The following C13orf42 variants were observed in gnomAD, a reference collection of about 807,000 sequenced individuals.
C13orf42 encodes the protein chromosome 13 open reading frame 42.
chr13:51,135,264 C>A (rs60826352), intron 1 of C13orf42, among the ~76,000 whole-genome samples: 1 of 152,248 alleles, frequency 6.6e-6, no homozygotes, highest in African/African-American at 2.4e-5. Context: ...TGGAGAGAGA[C>A]CAGGTGGAGA....
At chr13:51,113,988 C>T (rs1953461009), upstream of C13orf42, among the ~76,000 whole-genome samples, 2 of 152,244 alleles carry the variant, frequency 1.3e-5, no homozygotes, top group Non-Finnish European at 2.9e-5. Context: ...CATAAAGTGA[C>T]TTGTGTAACA....
intron 1 of C13orf42, among the ~76,000 whole-genome samples, chr13:51,167,097 C>A (rs577672611): frequency 7.9e-5 from 12 of 151,812 alleles, no homozygotes; most frequent in East Asian, 1.9e-4. Context: ...AACAAAAAAC[C>A]AAAAACCAAC....
intron 1 of C13orf42, among the ~76,000 whole-genome samples, chr13:51,101,705 C>T (rs1462461296): frequency 6.6e-6 from 1 of 152,190 alleles, no homozygotes; most frequent in South Asian, 2.1e-4. Flanking sequence ...TGCCTCTGCT[C>T]AATGAGCTCA....
At chr13:51,123,625 A>T (rs892023672) in intron 1 of C13orf42, among the ~76,000 whole-genome samples, 1 of 152,216 alleles carries the variant, frequency 6.6e-6, no homozygotes, top group Admixed American at 6.5e-5. Flanking sequence ...ATGTCAGCTC[A>T]CATGGGGCAG....
chr13:51,130,395 A>G (rs980034034), intron 1 of C13orf42, among the ~76,000 whole-genome samples: 26 of 152,230 alleles, frequency 1.7e-4, no homozygotes, highest in African/African-American at 6.3e-4. Context: ...GAGATTTTAT[A>G]TAAGAAAGGA....
chr13:51,163,972 G>A (rs1041309510), intron 1 of C13orf42, among the ~76,000 whole-genome samples: 1 of 152,094 alleles, frequency 6.6e-6, no homozygotes, highest in African/African-American at 2.4e-5. Flanking sequence ...ATGAGTCATG[G>A]GATATAGGAT....
chr13:51,119,078 G>C (rs1953513500), intron 1 of C13orf42, among the ~76,000 whole-genome samples: 1 of 150,860 alleles, frequency 6.6e-6, no homozygotes, highest in African/African-American at 2.5e-5. Flanking sequence ...TGTATGGTGT[G>C]CCCAGGTGTA....
chr13:51,114,651 TAGAC>T (rs59801187), upstream of C13orf42, among the ~76,000 whole-genome samples: 2,304 of 142,454 alleles, frequency 0.016, 29 homozygotes, highest in Non-Finnish European at 0.022. Flanking sequence ...TAGATAGAGA[TAGAC>T]AGACAGACAG....
intron 1 of C13orf42, among the ~76,000 whole-genome samples, chr13:51,152,072 CT>C (rs1372530856): frequency 4.6e-5 from 7 of 152,160 alleles, no homozygotes; most frequent in Non-Finnish European, 8.8e-5. Flanking sequence ...TTAAGAATCA[CT>C]GCCCCAAATA....
chr13:51,122,370 C>T (rs766630824), intron 1 of C13orf42, among the ~76,000 whole-genome samples: 7 of 151,488 alleles, frequency 4.6e-5, no homozygotes, highest in Non-Finnish European at 1.0e-4. Context: ...CCTGTCTCTA[C>T]CAAAAATACA....
At chr13:51,114,661 GACAGAC>G (rs1566130448), upstream of C13orf42, among the ~76,000 whole-genome samples, 112 of 102,714 alleles carry the variant, frequency 1.1e-3, no homozygotes, top group South Asian at 2.2e-3. Flanking sequence ...TAGACAGACA[GACAGAC>G]AGACAGACAG....
intron 1 of C13orf42, among the ~76,000 whole-genome samples, chr13:51,122,742 C>G (rs1031301403): frequency 6.6e-6 from 1 of 152,062 alleles, no homozygotes; most frequent in African/African-American, 2.4e-5. Context: ...AACCTGTGAC[C>G]AGTCTTAAAA....
intron 1 of C13orf42, among the ~76,000 whole-genome samples, chr13:51,154,990 G>A (rs571460524): frequency 2.0e-5 from 3 of 152,206 alleles, no homozygotes; most frequent in South Asian, 2.1e-4. Context: ...TAGGTAGAAC[G>A]TTTTATCTTT....
intron 1 of C13orf42, among the ~76,000 whole-genome samples, chr13:51,124,684 C>T (rs1308348762): frequency 2.6e-5 from 4 of 152,198 alleles, no homozygotes; most frequent in African/African-American, 9.7e-5. Context: ...ATCTAGGCTT[C>T]TTATCAAGCA....
chr13:51,155,115 A>T (rs1953814936), intron 1 of C13orf42, among the ~76,000 whole-genome samples: 1 of 152,204 alleles, frequency 6.6e-6, no homozygotes, highest in African/African-American at 2.4e-5. Context: ...AAAGGAGTTC[A>T]TGTAAAATGA....
At chr13:51,107,239 C>A (rs1953367608) in intron 1 of C13orf42, among the ~76,000 whole-genome samples, 1 of 152,176 alleles carries the variant, frequency 6.6e-6, no homozygotes. Context: ...AAGCCTCATT[C>A]CAGAGCATGA....
At chr13:51,127,853 G>T (rs1012418816) in intron 1 of C13orf42, among the ~76,000 whole-genome samples, 1 of 152,146 alleles carries the variant, frequency 6.6e-6, no homozygotes, top group Non-Finnish European at 1.5e-5. Context: ...CTTGAATAGG[G>T]GCTGGGTAAA....
At chr13:51,130,278 T>G (rs897274166) in intron 1 of C13orf42, among the ~76,000 whole-genome samples, 10 of 152,210 alleles carry the variant, frequency 6.6e-5, no homozygotes, top group African/African-American at 2.2e-4. Context: ...CTTCTTTGAC[T>G]TTTGAAAATT....
chr13:51,084,390 T>A (rs989210944), intron 3 of C13orf42, 65 bp from the exon 4 acceptor site: 7 of 397,844 alleles, frequency 1.8e-5, no homozygotes, highest in Non-Finnish European at 3.1e-5. Context: ...AGGGAAGGGA[T>A]GCTCAATGAC....
Sources: gnomAD v4.1 joint callset for allele counts (sites outside exome capture counted in the v4.1 genomes callset) on GRCh38, gnomAD v4.1.1 for gene constraint, MANE v1.5 for transcripts, NCBI Gene and HGNC (gene_info 2026-07-23, HGNC 2026-07-21) for gene names.